The following ROBO2 variants were observed in gnomAD, a reference collection of about 807,000 sequenced individuals.
The protein encoded by ROBO2 is roundabout guidance receptor 2.
In ROBO2, 53 loss-of-function variants were observed where a neutral mutation model predicts 160.8. The observed-to-expected ratio is 0.33, with a 90% confidence interval of 0.26 to 0.41. ROBO2 has a LOEUF of 0.41. ROBO2 is among the 10% of genes least tolerant of loss of function. The pLI, the probability that ROBO2 is intolerant of heterozygous loss-of-function variation, is 1.00. For missense variants in ROBO2, 1,577 were observed against 1,722.4 expected (o/e 0.92, Z 1.49); for synonymous variants, 664 against 611.7 (o/e 1.09, Z -1.26).
intron 2 of ROBO2, among the ~76,000 whole-genome samples, chr3:75,992,815 C>T (rs1196156655): frequency 3.3e-5 from 5 of 152,234 alleles, no homozygotes; most frequent in African/African-American, 1.2e-4. Context: ...GCTAATCCAC[C>T]TCTTCCATCA....
At chr3:77,399,220 A>T (rs2075576159) in intron 2 of ROBO2, among the ~76,000 whole-genome samples, 1 of 152,216 alleles carries the variant, frequency 6.6e-6, no homozygotes, top group Non-Finnish European at 1.5e-5. Flanking sequence ...GCCTATTTAC[A>T]TGCTTTGAGT....
At chr3:77,479,814 C>T (rs2084464839) in intron 3 of ROBO2, among the ~76,000 whole-genome samples, 2 of 152,184 alleles carry the variant, frequency 1.3e-5, no homozygotes, top group African/African-American at 4.8e-5. Flanking sequence ...GGTTGACTCT[C>T]AGCTGGGTAT....
At chr3:76,702,439 C>T (rs927123720) in intron 2 of ROBO2, among the ~76,000 whole-genome samples, 6 of 151,540 alleles carry the variant, frequency 4.0e-5, no homozygotes, top group Non-Finnish European at 8.8e-5. Flanking sequence ...AATTGAGGTT[C>T]ATATACAAAA....
intron 2 of ROBO2, among the ~76,000 whole-genome samples, chr3:76,522,004 A>C (rs2107900187): frequency 6.6e-6 from 1 of 152,280 alleles, no homozygotes; most frequent in East Asian, 1.9e-4. Flanking sequence ...AACTTGATTT[A>C]TGTTTTTGTT....
At chr3:76,065,585 A>C (rs1160307511) in intron 2 of ROBO2, among the ~76,000 whole-genome samples, 4 of 151,928 alleles carry the variant, frequency 2.6e-5, no homozygotes, top group African/African-American at 9.7e-5. Context: ...TTCCCTTATA[A>C]TAACCTTTCC....
intron 2 of ROBO2, among the ~76,000 whole-genome samples, chr3:76,536,022 T>G (rs928477212): frequency 3.9e-5 from 6 of 151,978 alleles, no homozygotes; most frequent in Non-Finnish European, 8.8e-5. Flanking sequence ...TGATTTCCAG[T>G]GGGGTCCTGC....
intron 2 of ROBO2, among the ~76,000 whole-genome samples, chr3:76,983,680 C>T (rs1336174283): frequency 1.3e-5 from 2 of 152,096 alleles, no homozygotes; most frequent in African/African-American, 4.8e-5. Flanking sequence ...TACAAAGTAC[C>T]TATTATATGA....
intron 2 of ROBO2, among the ~76,000 whole-genome samples, chr3:76,488,211 T>A (rs1225473470): frequency 6.6e-6 from 1 of 152,158 alleles, no homozygotes; most frequent in Admixed American, 6.5e-5. Context: ...TGGGTCAGAA[T>A]TTTGGCACAG....
chr3:77,232,564 A>G (rs781440522), intron 2 of ROBO2, among the ~76,000 whole-genome samples: 12 of 152,156 alleles, frequency 7.9e-5, no homozygotes, highest in Non-Finnish European at 1.6e-4. Flanking sequence ...GAGATATGCG[A>G]TATTAAAAAT....
In ROBO2 at chr3:76,194,862, C is replaced by T. The variant is rs191225442; in HGVS notation, c.109+257260C>T. On this transcript the variant is annotated intron_variant, in intron 2 of 26. Coordinates refer to the ROBO2 transcript ENST00000487694. Reference sequence around the variant, plus strand: ...CTTGATTTCCTGACCTCGTGATCCGCCCGCGTTGGTCTCTCAAAGTTCTGG... The same window carrying T: ...CTTGATTTCCTGACCTCGTGATCCGTCCGCGTTGGTCTCTCAAAGTTCTGG... Among the ~76,000 whole-genome samples the T allele has an allele frequency of 7.6e-4, 115 of 152,280 alleles. 1 individual carries two copies. The highest frequency in any genetic ancestry group is 5.0e-4 in the Non-Finnish European group (34 of 68,014).
chr3:76,985,877 A>G (rs1338745785), intron 2 of ROBO2, among the ~76,000 whole-genome samples: 1 of 152,200 alleles, frequency 6.6e-6, no homozygotes, highest in African/African-American at 2.4e-5. Flanking sequence ...TCCTGGGACC[A>G]TTAACTCCAT....
chr3:77,641,514 CAG>C (rs952036354), intron 24 of ROBO2, among the ~76,000 whole-genome samples: 15 of 152,218 alleles, frequency 9.9e-5, no homozygotes, highest in African/African-American at 3.6e-4. Context: ...TTAGAGACAA[CAG>C]AATACATTTA....
chr3:77,185,238 G>A (rs2081174258), intron 2 of ROBO2, among the ~76,000 whole-genome samples: 1 of 151,932 alleles, frequency 6.6e-6, no homozygotes, highest in South Asian at 2.1e-4. Context: ...TAGTGGATAG[G>A]CATCTTAGAT....
chr3:76,236,446 G>A (rs1349943089), intron 2 of ROBO2, among the ~76,000 whole-genome samples: 1 of 152,094 alleles, frequency 6.6e-6, no homozygotes, highest in Non-Finnish European at 1.5e-5. Flanking sequence ...ACATTGTTAT[G>A]TATAAAGACC....
chr3:76,568,450 C>T (rs1331995806), intron 2 of ROBO2, among the ~76,000 whole-genome samples: 1 of 136,062 alleles, frequency 7.3e-6, no homozygotes, highest in South Asian at 2.8e-4. Context: ...GGCGCTGCCA[C>T]CACGCCCAGA....
At chr3:77,407,654 G>T (rs1365858946) in intron 2 of ROBO2, among the ~76,000 whole-genome samples, 4 of 152,146 alleles carry the variant, frequency 2.6e-5, no homozygotes, top group African/African-American at 9.7e-5. Flanking sequence ...AGGTAATTAG[G>T]GCTAATCCTC....
At chr3:77,433,510 A>ATATATATATATATATATATATATG (rs1553954820) in intron 2 of ROBO2, among the ~76,000 whole-genome samples, 1 of 129,126 alleles carries the variant, frequency 7.7e-6, no homozygotes, top group Admixed American at 7.5e-5. Flanking sequence ...ATATATATAT[A>ATATATATATATATATATATATATG]TATATATATT....
chr3:77,482,894 A>G (rs1230858030), intron 4 of ROBO2, among the ~76,000 whole-genome samples: 2 of 152,108 alleles, frequency 1.3e-5, no homozygotes, highest in Admixed American at 1.3e-4. Flanking sequence ...TGCAGTATAG[A>G]CTGCCTTCAG....
At chr3:75,937,841 T>TTATATATATATA (rs1158457510) in intron 2 of ROBO2, among the ~76,000 whole-genome samples, 2,923 of 105,144 alleles carry the variant, frequency 0.028, 85 homozygotes, top group African/African-American at 0.041. Context: ...GGAATTGATT[T>TTATATATATATA]TATATATATA....
Sources: gnomAD v4.1 joint callset for allele counts (sites outside exome capture counted in the v4.1 genomes callset) on GRCh38, gnomAD v4.1.1 for gene constraint, MANE v1.5 for transcripts, NCBI Gene and HGNC (gene_info 2026-07-23, HGNC 2026-07-21) for gene names.